COL4A4: variants seen among roughly 807,000 people sequenced by gnomAD.
COL4A4 encodes the protein collagen alpha-4(IV) chain.
Under a neutral mutation model 192.9 loss-of-function variants are expected in COL4A4, and 105 were observed. The ratio of observed to expected loss-of-function variants is 0.54; its 90% CI spans 0.46 to 0.64. The LOEUF is 0.64. Ranked by LOEUF, COL4A4 falls within the 30% of genes least tolerant of loss-of-function variation. COL4A4 has a pLI of 0.00. For missense variants in COL4A4, 1,967 were observed against 2,169.3 expected, an observed-to-expected ratio of 0.91 and a Z score of 1.85; for synonymous variants, 762 against 769.9, an observed-to-expected ratio of 0.99 and a Z score of 0.17.
At chr2:227,129,851 C>T (rs1387442671) in intron 4 of COL4A4, among the ~76,000 whole-genome samples, 1 of 152,170 alleles carries the variant, frequency 6.6e-6, no homozygotes, top group Admixed American at 6.5e-5. Flanking sequence ...TTAAAATGAA[C>T]AAATAAATAT....
intron 3 of COL4A4, among the ~76,000 whole-genome samples, chr2:227,142,954 A>G (rs2063319652): frequency 6.6e-6 from 1 of 152,090 alleles, no homozygotes; most frequent in Non-Finnish European, 1.5e-5. Flanking sequence ...ATTTTTTTCA[A>G]ATAGGTGTTT....
At chr2:227,119,837 A>G in intron 6 of COL4A4, 58 bp downstream of exon 6, 1 of 1,227,796 alleles carries the variant, frequency 8.1e-7, no homozygotes, top group Non-Finnish European at 1.2e-6. Context: ...GGTTTTAAGG[A>G]TTTTGATGAG....
rs779135957 is a variant in COL4A4, at chr2:227,094,136, G to C, written c.1358C>G (p.Pro453Arg). The C allele has an allele frequency of 5.6e-6, 9 of 1,613,640 alleles. No individual in the cohort carries two copies. Among genetic ancestry groups the C allele is most frequent in the Non-Finnish European group, 7.6e-6 (9 of 1,179,750 alleles). ...LPGAPGLQGL[P>R]GSSVIYCSVG... ...AAGGAGTACTTTACCACTTGATCCT[G>C]GGAGGCCCTGCAGGCCTGGTGCTCC... The change falls in exon 20 of 48, where the codon CCA becomes CGA. Residue 453 changes from proline (P) to arginine (R), a missense_variant. By Grantham distance (103) the Pro-to-Arg change is moderately radical (BLOSUM62 -2). Coordinates refer to ENST00000396625, the MANE Select transcript of COL4A4 (RefSeq NM_000092.5).
chr2:227,077,040 G>A (rs2059061569), intron 25 of COL4A4, among the ~76,000 whole-genome samples: 1 of 152,144 alleles, frequency 6.6e-6, no homozygotes, highest in Non-Finnish European at 1.5e-5. Context: ...CACTGTTGGT[G>A]GGAGTGTAAA....
intron 25 of COL4A4, among the ~76,000 whole-genome samples, chr2:227,066,533 C>T (rs1576275552): frequency 6.6e-6 from 1 of 152,182 alleles, no homozygotes. Flanking sequence ...AGAAACTCTA[C>T]AAGCCAGAAG....
At chr2:227,119,520 T>C (rs1018834977) in intron 6 of COL4A4, among the ~76,000 whole-genome samples, 3 of 148,592 alleles carry the variant, frequency 2.0e-5, no homozygotes, top group East Asian at 1.9e-4. Flanking sequence ...AGATTTTATA[T>C]ATGTAAAATA....
intron 41 of COL4A4, 51 bp downstream of exon 41, chr2:227,030,392 G>A (rs777685762): frequency 1.3e-6 from 2 of 1,593,258 alleles, no homozygotes; most frequent in East Asian, 2.2e-5. Flanking sequence ...GACCCTCAAG[G>A]GTAAGATAAC....
In COL4A4 at chr2:227,045,801, CATATATATATATATACACAT is replaced by C. The variant is rs1378984443; in HGVS notation, c.3289+1654_3289+1673del. Among the ~76,000 whole-genome samples, 4 of 51,650 alleles carry C rather than the reference CATATATATATATATACACAT, an allele frequency of 7.7e-5. 2 individuals carry two copies. Among genetic ancestry groups the C allele is most frequent in the African/African-American group, 4.7e-4 (4 of 8,514 alleles). The allele number at this position is 51,650 out of a possible 152,430, so 33.9% of individuals were successfully genotyped here. A position where few individuals can be genotyped will look rare whatever the true frequency, so the allele number is the denominator to read the frequency against. ...AAAAATACATATATATATATATACA[CATATATATATATATACACAT>C]ATATATATATACACACATATATATA... is the stretch of plus-strand genomic sequence containing the variant. On this transcript the variant is annotated intron_variant, in intron 35 of 47. Coordinates refer to ENST00000396625, the MANE Select transcript of COL4A4 (RefSeq NM_000092.5).
intron 43 of COL4A4, chr2:227,022,411 G>A (rs565752842): frequency 1.4e-5 from 10 of 726,090 alleles, no homozygotes; most frequent in South Asian, 8.2e-5. Context: ...CGGGCTGACC[G>A]AATGAGTGAA....
chr2:227,137,693 A>T (rs2062911247), intron 4 of COL4A4, among the ~76,000 whole-genome samples: 1 of 152,142 alleles, frequency 6.6e-6, no homozygotes, highest in South Asian at 2.1e-4. Context: ...TCTCAGCCTC[A>T]TTCACATTGG....
chr2:226,981,544 A>C, the COL4A4 span, among the ~76,000 whole-genome samples: 1 of 146,350 alleles, frequency 6.8e-6, no homozygotes, highest in Non-Finnish European at 1.5e-5. Context: ...ACACACATCC[A>C]TGCACTCATC....
Position 227,030,490 on chromosome 2 carries a change from G to A in COL4A4, c.3926C>T (p.Pro1309Leu). 1 of 1,614,142 alleles carries A rather than the reference G, an allele frequency of 6.2e-7. No individual in the cohort carries two copies. Among genetic ancestry groups the A allele is most frequent in the Non-Finnish European group, 8.5e-7 (1 of 1,180,018 alleles). Residue 1309 changes from proline to leucine, a missense_variant, in exon 41 of 48, where the codon CCA (proline) becomes CTA (leucine). Transcript: ENST00000396625. ...ACATCCTGGAAAGCCTTTGTATCCT[G>A]GAGGGCCTGGTGGGCCAGGGGGACC... is the stretch of plus-strand genomic sequence containing the variant. ...PPGPPGPPGP[P>L]GYKGFPGCDG... is the part of the protein sequence containing the mutation.
intron 23 of COL4A4, 53 bp downstream of exon 23, chr2:227,082,062 G>C: frequency 7.2e-7 from 1 of 1,391,034 alleles, no homozygotes; most frequent in Non-Finnish European, 1.0e-6. Context: ...CAAGAGGAGG[G>C]TCCATACATC....
chr2:227,042,963 C>T lies in COL4A4; in HGVS notation c.3397+114G>A, dbSNP rs568209172. 9 of 800,612 alleles carry T rather than the reference C, an allele frequency of 1.1e-5. No individual in the cohort carries two copies. In the African/African-American group the frequency reaches 1.4e-4, roughly 12 times the overall value. The allele number at this position is 800,612 out of a possible 1,614,324, so 49.6% of individuals were successfully genotyped here. On this transcript the variant is annotated intron_variant, in intron 36 of 47. Coordinates refer to ENST00000396625, the MANE Select transcript of COL4A4 (RefSeq NM_000092.5). ...AAGTGACCTATCCAAAGTCACAGGT[C>T]TGGGAAATGGCAGAGCCATATCTGA...
At chr2:227,059,091 G>A (rs1976222163) in intron 28 of COL4A4, among the ~76,000 whole-genome samples, 1 of 152,114 alleles carries the variant, frequency 6.6e-6, no homozygotes, top group Admixed American at 6.6e-5. Context: ...CCTTCCACCT[G>A]GCAACAGCCC....
chr2:226,985,380 A>G, the COL4A4 span, among the ~76,000 whole-genome samples: 2 of 152,248 alleles, frequency 1.3e-5, no homozygotes, highest in African/African-American at 2.4e-5. Flanking sequence ...AAACAACTCC[A>G]TAATATTCAA....
intron 3 of COL4A4, among the ~76,000 whole-genome samples, chr2:227,143,050 A>G (rs1357889641): frequency 1.3e-5 from 2 of 152,168 alleles, no homozygotes; most frequent in East Asian, 3.9e-4. Context: ...GCACATGGGC[A>G]CACAGGCACA....
At chr2:227,153,695 T>C (rs1352683741) in intron 1 of COL4A4, among the ~76,000 whole-genome samples, 1 of 151,750 alleles carries the variant, frequency 6.6e-6, no homozygotes, top group East Asian at 1.9e-4. Flanking sequence ...CATCAGGAGA[T>C]ACCCTGACCG....
intron 46 of COL4A4, among the ~76,000 whole-genome samples, chr2:227,009,711 G>A (rs1277045746): frequency 1.9e-5 from 2 of 106,066 alleles, no homozygotes; most frequent in Non-Finnish European, 3.4e-5. Flanking sequence ...AAAAAAAAAA[G>A]AGGAAAAGAG....
Sources: gnomAD v4.1 joint callset for allele counts (sites outside exome capture counted in the v4.1 genomes callset) on GRCh38, gnomAD v4.1.1 for gene constraint, MANE v1.5 for transcripts, NCBI Gene and HGNC (gene_info 2026-07-23, HGNC 2026-07-21) for gene names.